The following CCSER1 variants were observed in gnomAD, a reference collection of about 807,000 sequenced individuals.
CCSER1 encodes the protein serine-rich coiled-coil domain-containing protein 1.
In CCSER1, 41 loss-of-function variants were observed where a neutral mutation model predicts 82.0. The ratio of observed to expected loss-of-function variants is 0.50; its 90% CI spans 0.39 to 0.65. The LOEUF (loss-of-function observed/expected upper bound fraction) is 0.65, where lower values mean the gene tolerates loss of function less well. Among genes scored for constraint, CCSER1 ranks in the 30% least tolerant of loss-of-function variants. The probability of loss-of-function intolerance (pLI) is 0.00; values close to 1 mark genes in which losing one functional copy is unlikely to be tolerated. For missense variants in CCSER1, 1,119 were observed against 1,064.2 expected (o/e 1.05, Z -0.72); for synonymous variants, 414 against 383.9 (o/e 1.08, Z -0.92).
intron 3 of CCSER1, among the ~76,000 whole-genome samples, chr4:90,349,393 A>G (rs917287027): frequency 5.3e-5 from 8 of 152,134 alleles, no homozygotes; most frequent in African/African-American, 1.9e-4. Flanking sequence ...AATTGTATAA[A>G]GGCATTGGTG....
chr4:90,141,020 A>ATTATCTATCTATCTATCTATC (rs146218548), intron 1 of CCSER1, among the ~76,000 whole-genome samples: 4 of 145,874 alleles, frequency 2.7e-5, no homozygotes, highest in African/African-American at 1.0e-4. Context: ...ACCCAGCAAG[A>ATTATCTATCTATCTATCTATC]TATCTATCTA....
intron 3 of CCSER1, among the ~76,000 whole-genome samples, chr4:90,325,200 C>T (rs776710681): frequency 6.6e-6 from 1 of 152,178 alleles, no homozygotes; most frequent in Non-Finnish European, 1.5e-5. Flanking sequence ...TTCTATTCAG[C>T]CACATTGCTC....
At chr4:91,439,804 G>A (rs1754982769) in intron 10 of CCSER1, among the ~76,000 whole-genome samples, 1 of 151,992 alleles carries the variant, frequency 6.6e-6, no homozygotes, top group South Asian at 2.1e-4. Context: ...AAAAAGGCAG[G>A]GGTTGCAATC....
intron 3 of CCSER1, among the ~76,000 whole-genome samples, chr4:90,353,787 G>C (rs1031053643): frequency 2.6e-5 from 4 of 152,186 alleles, no homozygotes; most frequent in Admixed American, 1.3e-4. Context: ...ACAATGAATA[G>C]ATATGAGGCA....
At chr4:90,707,814 C>A (rs1333352155) in intron 6 of CCSER1, among the ~76,000 whole-genome samples, 2 of 152,080 alleles carry the variant, frequency 1.3e-5, no homozygotes, top group African/African-American at 4.8e-5. Context: ...AAGCCACCTA[C>A]CTCAGGCAGC....
intron 9 of CCSER1, among the ~76,000 whole-genome samples, chr4:91,035,657 C>T (rs765284219): frequency 4.6e-5 from 7 of 151,924 alleles, no homozygotes; most frequent in Non-Finnish European, 7.4e-5. Flanking sequence ...AAAGCTAGCA[C>T]CCCACATCAA....
chr4:90,530,915 A>G (rs1774432012), intron 5 of CCSER1, among the ~76,000 whole-genome samples: 1 of 152,186 alleles, frequency 6.6e-6, no homozygotes, highest in Non-Finnish European at 1.5e-5. Context: ...CTGTCCCCAT[A>G]AACTTGCTCC....
chr4:91,502,280 G>A (rs950302751), intron 10 of CCSER1, among the ~76,000 whole-genome samples: 43 of 152,156 alleles, frequency 2.8e-4, no homozygotes, highest in African/African-American at 1.0e-3. Flanking sequence ...GAAAAGGGAA[G>A]GACAACTCTC....
At chr4:90,745,925 C>T (rs1747374400) in intron 7 of CCSER1, among the ~76,000 whole-genome samples, 1 of 151,952 alleles carries the variant, frequency 6.6e-6, no homozygotes, top group Non-Finnish European at 1.5e-5. Context: ...TGGCCTTGAT[C>T]TCCTGACCTC....
chr4:91,233,906 A>G (rs1013788616), intron 10 of CCSER1, among the ~76,000 whole-genome samples: 5 of 151,948 alleles, frequency 3.3e-5, no homozygotes, highest in Non-Finnish European at 1.5e-5. Context: ...AGCAATTACT[A>G]ATATATTCAA....
chr4:90,871,670 A>G (rs1766515613), intron 8 of CCSER1, among the ~76,000 whole-genome samples: 2 of 151,868 alleles, frequency 1.3e-5, no homozygotes, highest in African/African-American at 4.8e-5. Flanking sequence ...GTGAACATCT[A>G]TTAGGCCCAT....
chr4:90,876,957 C>G (rs1328759088), intron 8 of CCSER1, among the ~76,000 whole-genome samples: 1 of 151,986 alleles, frequency 6.6e-6, no homozygotes, highest in African/African-American at 2.4e-5. Context: ...CTCATCTTTT[C>G]TTTAGCTCTT....
intron 5 of CCSER1, among the ~76,000 whole-genome samples, chr4:90,570,428 C>G (rs1779961330): frequency 1.3e-5 from 2 of 152,008 alleles, no homozygotes; most frequent in Admixed American, 1.3e-4. Context: ...ACCCATGGTG[C>G]CACTACCCTG....
At chr4:91,326,941 T>C (rs903717603) in intron 10 of CCSER1, among the ~76,000 whole-genome samples, 1 of 152,170 alleles carries the variant, frequency 6.6e-6, no homozygotes, top group East Asian at 1.9e-4. Flanking sequence ...ACACAAAGGA[T>C]GGACTACCAA....
chr4:91,584,191 G>A (rs1177129144), intron 10 of CCSER1, among the ~76,000 whole-genome samples: 4 of 151,396 alleles, frequency 2.6e-5, no homozygotes, highest in African/African-American at 9.7e-5. Context: ...CACCTACGTA[G>A]TTGCATTTGA....
chr4:91,063,790 T>C (rs1581456647), intron 9 of CCSER1, among the ~76,000 whole-genome samples: 1 of 152,138 alleles, frequency 6.6e-6, no homozygotes, highest in Admixed American at 6.6e-5. Context: ...TTTCGCACAA[T>C]TGAATTTACT....
chr4:90,674,318 T>C (rs1301138708), intron 6 of CCSER1, among the ~76,000 whole-genome samples: 1 of 151,936 alleles, frequency 6.6e-6, no homozygotes, highest in Non-Finnish European at 1.5e-5. Flanking sequence ...GTTATATAGT[T>C]TGAAATCCCA....
At chr4:90,344,832 A>G (rs951836225) in intron 3 of CCSER1, among the ~76,000 whole-genome samples, 1 of 152,162 alleles carries the variant, frequency 6.6e-6, no homozygotes, top group African/African-American at 2.4e-5. Context: ...TAAGAATAAA[A>G]TGAGGATAAC....
At chr4:91,243,771 G>A (rs192950218) in intron 10 of CCSER1, among the ~76,000 whole-genome samples, 3 of 152,292 alleles carry the variant, frequency 2.0e-5, no homozygotes, top group East Asian at 1.9e-4. Flanking sequence ...TAATACCCAC[G>A]GAGTATGTGG....
Sources: gnomAD v4.1 joint callset for allele counts (sites outside exome capture counted in the v4.1 genomes callset) on GRCh38, gnomAD v4.1.1 for gene constraint, MANE v1.5 for transcripts, NCBI Gene and HGNC (gene_info 2026-07-23, HGNC 2026-07-21) for gene names.